Variants in PPP2R3A observed in about 807,000 individuals in gnomAD.
PPP2R3A encodes protein phosphatase 2 regulatory subunit B''alpha, also known as serine/threonine-protein phosphatase 2A regulatory subunit B'' subunit alpha.
In PPP2R3A, 80 loss-of-function variants were observed where a neutral mutation model predicts 106.9. The observed-to-expected ratio is 0.75, with a 90% confidence interval of 0.62 to 0.90. The LOEUF is 0.90. PPP2R3A is among the 40% of genes least tolerant of loss of function. The probability of loss-of-function intolerance (pLI) is 0.00; values close to 1 mark genes in which losing one functional copy is unlikely to be tolerated. For missense variants in PPP2R3A, 1,386 were observed against 1,350.4 expected (o/e 1.03, Z -0.41); for synonymous variants, 483 against 468.3 (o/e 1.03, Z -0.41).
rs1427114637 is a variant in PPP2R3A at position 136,002,883 on chromosome 3, C to G, written c.1385C>G (p.Pro462Arg). 1.9e-6 allele frequency: 3 copies of G among 1,613,378 alleles called. No homozygotes were observed. The African/African-American group carries it at 4.0e-5, about 22-fold the overall frequency. ...PEHATHLKKC[P>R]TPMQNEIGKI... ...CATGCTACTCATCTTAAAAAATGCC[C>G]CACCCCAATGCAAAATGAAATTGGT... Residue 462 changes from proline (P) to arginine (R), a missense_variant, in exon 2 of 14, where the codon CCC (proline) becomes CGC (arginine). Pro to Arg is a moderately radical substitution (Grantham distance 103). Transcript: ENST00000264977.
intron 13 of PPP2R3A, among the ~76,000 whole-genome samples, chr3:136,113,638 AAAC>A (rs1434630788): frequency 6.6e-6 from 1 of 152,052 alleles, no homozygotes. Context: ...TAAAAATACC[AAAC>A]AAAAACAAAA....
chr3:136,055,304 G>A, intron 5 of PPP2R3A: 1 of 896,418 alleles, frequency 1.1e-6, no homozygotes, highest in South Asian at 1.3e-5. Context: ...GTTGGTGAAA[G>A]GAATCAACAT....
At chr3:136,098,569 C>T (rs767280150) in intron 10 of PPP2R3A, among the ~76,000 whole-genome samples, 14 of 152,298 alleles carry the variant, frequency 9.2e-5, no homozygotes, top group Middle Eastern at 3.4e-3. Flanking sequence ...AGAACCTTCT[C>T]TTGAAAAGTT....
chr3:136,078,305 T>C, intron 6 of PPP2R3A, 62 bp from the exon 7 acceptor site: 1 of 1,187,292 alleles, frequency 8.4e-7, no homozygotes, highest in Non-Finnish European at 1.2e-6. Context: ...TAAAATGGCC[T>C]TTGAGAAAGT....
intron 10 of PPP2R3A, among the ~76,000 whole-genome samples, chr3:136,097,110 T>C (rs1159891636): frequency 6.6e-6 from 1 of 152,240 alleles, no homozygotes; most frequent in African/African-American, 2.4e-5. Context: ...TGGTCAGTTA[T>C]TCCTTCTGTG....
At chr3:136,096,426 T>A (rs1180355533) in intron 10 of PPP2R3A, among the ~76,000 whole-genome samples, 1 of 152,228 alleles carries the variant, frequency 6.6e-6, no homozygotes, top group Non-Finnish European at 1.5e-5. Context: ...CTATGCCTGG[T>A]AACAGAGGTA....
chr3:136,018,677 T>C (rs1934360422), intron 2 of PPP2R3A, among the ~76,000 whole-genome samples: 1 of 152,214 alleles, frequency 6.6e-6, no homozygotes, highest in Non-Finnish European at 1.5e-5. Flanking sequence ...CTCAGTTTTG[T>C]AGGTCCTTTC....
intron 8 of PPP2R3A, among the ~76,000 whole-genome samples, chr3:136,083,771 C>T (rs183087279): frequency 6.6e-6 from 1 of 152,264 alleles, no homozygotes; most frequent in East Asian, 1.9e-4. Context: ...ACAATAAAAT[C>T]CAGGCTGAAG....
chr3:136,043,746 T>C (rs1935375761), intron 4 of PPP2R3A, among the ~76,000 whole-genome samples: 1 of 152,250 alleles, frequency 6.6e-6, no homozygotes. Flanking sequence ...TGCTTTACTT[T>C]CTTTTACCTT....
chr3:135,987,224 A>G (rs1932960535), intron 1 of PPP2R3A, among the ~76,000 whole-genome samples: 1 of 152,204 alleles, frequency 6.6e-6, no homozygotes, highest in Non-Finnish European at 1.5e-5. Flanking sequence ...GTATAATGGT[A>G]GAAGACACAA....
rs1933630694 is a variant in PPP2R3A at position 136,001,737 on chromosome 3, C to G, written c.239C>G (p.Ser80Cys). The G allele has an allele frequency of 6.2e-7, 1 of 1,614,136 alleles. No individual in the cohort carries two copies. The highest frequency in any genetic ancestry group is 8.5e-7 in the Non-Finnish European group (1 of 1,180,028). ...TTTCTACCCCATGAAAATGGGCTTTCTTCGGCTGAAGGAGACTATCCCCAA... is the reference window on the plus strand; with the variant it reads ...TTTCTACCCCATGAAAATGGGCTTTGTTCGGCTGAAGGAGACTATCCCCAA... ...SMFLPHENGL[S>C]SAEGDYPQQA... Residue 80 changes from serine (S) to cysteine (C), a missense_variant, in exon 2 of 14, where the codon TCT (serine) becomes TGT (cysteine). Transcript: ENST00000264977.
At chr3:136,060,024 T>G (rs1041463077) in intron 5 of PPP2R3A, among the ~76,000 whole-genome samples, 1 of 152,138 alleles carries the variant, frequency 6.6e-6, no homozygotes, top group Non-Finnish European at 1.5e-5. Context: ...GAAAAATAAC[T>G]AATAGTTAAT....
chr3:136,043,037 A>T (rs1186191400), intron 4 of PPP2R3A, among the ~76,000 whole-genome samples: 1 of 152,144 alleles, frequency 6.6e-6, no homozygotes, highest in African/African-American at 2.4e-5. Flanking sequence ...AAACTTTCAA[A>T]TAAAAAAATT....
At chr3:136,087,737 C>T (rs994458949) in intron 8 of PPP2R3A, 146 bp from the exon 9 acceptor site, 24 of 521,082 alleles carry the variant, frequency 4.6e-5, no homozygotes, top group Middle Eastern at 5.0e-4. Context: ...TAAAATTATG[C>T]GTAAATAAAA....
intron 1 of PPP2R3A, among the ~76,000 whole-genome samples, chr3:135,985,577 T>C (rs942754426): frequency 6.6e-6 from 1 of 152,202 alleles, no homozygotes; most frequent in African/African-American, 2.4e-5. Flanking sequence ...TTACACCTAA[T>C]GTATAACCGT....
intron 6 of PPP2R3A, among the ~76,000 whole-genome samples, chr3:136,073,832 GA>G (rs1936515926): frequency 6.6e-6 from 1 of 152,232 alleles, no homozygotes; most frequent in South Asian, 2.1e-4. Context: ...CATTATTTCA[GA>G]GTACAGTGAG....
intron 13 of PPP2R3A, 35 bp from the exon 14 acceptor site, chr3:136,145,008 C>A: frequency 1.3e-6 from 2 of 1,595,478 alleles, no homozygotes; most frequent in Non-Finnish European, 1.7e-6. Flanking sequence ...TTTAATCAAT[C>A]AATCAGTTAA....
At chr3:136,058,843 C>T (rs576473296) in intron 5 of PPP2R3A, among the ~76,000 whole-genome samples, 55 of 152,206 alleles carry the variant, frequency 3.6e-4, no homozygotes, top group African/African-American at 1.3e-3. Context: ...AATAAGACTG[C>T]ACAGCTACAA....
intron 5 of PPP2R3A, among the ~76,000 whole-genome samples, chr3:136,064,246 A>C (rs2107894779): frequency 8.2e-6 from 1 of 121,324 alleles, no homozygotes; most frequent in Non-Finnish European, 1.6e-5. Flanking sequence ...GAAGGGGAAC[A>C]TCACACTCTG....
Sources: allele counts gnomAD v4.1 joint callset (sites outside exome capture counted in the v4.1 genomes callset), GRCh38; gene constraint gnomAD v4.1.1; transcripts MANE v1.5; gene names NCBI Gene and HGNC (gene_info 2026-07-23, HGNC 2026-07-21).